SP140: variants seen among roughly 807,000 people sequenced by gnomAD.
SP140 encodes the protein SP140 nuclear body protein.
In SP140, 81 loss-of-function variants were observed where a neutral mutation model predicts 125.0. That is an observed-to-expected ratio of 0.65 (90% confidence interval 0.54 to 0.78). SP140 has a LOEUF of 0.78. SP140 is among the 30% of genes least tolerant of loss of function. SP140 has a pLI of 0.00. For missense variants in SP140, 858 were observed against 1,037.0 expected, an observed-to-expected ratio of 0.83 and a Z score of 2.37; for synonymous variants, 312 against 354.0, an observed-to-expected ratio of 0.88 and a Z score of 1.33.
intron 3 of SP140, among the ~76,000 whole-genome samples, chr2:230,216,610 T>G (rs2045205261): frequency 6.6e-6 from 1 of 152,212 alleles, no homozygotes; most frequent in African/African-American, 2.4e-5. Context: ...GAAACCAACA[T>G]AGCCCCTATG....
At chr2:230,246,003 A>G (rs1041451830) in intron 7 of SP140, 63 bp downstream of exon 7, 3 of 939,326 alleles carry the variant, frequency 3.2e-6, no homozygotes, top group Non-Finnish European at 1.7e-6. Context: ...CTACTCTTTC[A>G]TCTCCCTTCC....
chr2:230,207,665 A>G (rs937353831), intron 1 of SP140, among the ~76,000 whole-genome samples: 8 of 152,166 alleles, frequency 5.3e-5, no homozygotes, highest in Non-Finnish European at 1.0e-4. Flanking sequence ...AGCTAATAAT[A>G]TGTCAAATCC....
chr2:230,189,721 G>C, the SP140 span, among the ~76,000 whole-genome samples: 1 of 152,136 alleles, frequency 6.6e-6, no homozygotes, highest in Non-Finnish European at 1.5e-5. Flanking sequence ...AGGCCCTGGT[G>C]TGTGTTGTTC....
chr2:230,312,284 C>G (rs2059392498), intron 26 of SP140, among the ~76,000 whole-genome samples: 1 of 152,178 alleles, frequency 6.6e-6, no homozygotes, highest in Admixed American at 6.5e-5. Context: ...GATAAGTGTT[C>G]TACTTAATAA....
the SP140 span, among the ~76,000 whole-genome samples, chr2:230,198,058 C>T: frequency 1.3e-5 from 2 of 152,334 alleles, no homozygotes; most frequent in South Asian, 4.1e-4. Flanking sequence ...GGTGGTTTAA[C>T]ATTGAAAAGT....
At chr2:230,229,073 T>C (rs1233561445) in intron 1 of SP140, among the ~76,000 whole-genome samples, 1 of 152,144 alleles carries the variant, frequency 6.6e-6, no homozygotes, top group Admixed American at 6.5e-5. Flanking sequence ...TTTTTAGTGG[T>C]TCCCTGAAGT....
At position 230,250,994 on chromosome 2, in the gene SP140, C is replaced by A; in HGVS notation, c.990C>A (p.Asp330Glu). Residue 330 changes from aspartate to glutamate, a missense_variant, in exon 10 of 27, where the codon GAC (aspartate) becomes GAA (glutamate). Around this residue, in one of 4 missense-constraint regions of SP140, gnomAD observed 791 missense variants for 869.5 expected, o/e 0.91. Coordinates refer to ENST00000392045, the MANE Select transcript of SP140 (RefSeq NM_007237.5). ...TTCTTTCTGCAGAGGGCAGTGATGA[C>A]TGTTCAGAAATGTGTGATGGAGAAG... ...LPGEGEEGSD[D>E]CSEMCDGEEP... 1.9e-6 allele frequency: 3 copies of A among 1,613,858 alleles called. No individual in the cohort carries two copies. In the South Asian group the frequency reaches 3.3e-5, roughly 18 times the overall value.
chr2:230,266,546 A>C (rs905714244), intron 12 of SP140, among the ~76,000 whole-genome samples: 1 of 152,214 alleles, frequency 6.6e-6, no homozygotes, highest in African/African-American at 2.4e-5. Context: ...CTGCCAGCAG[A>C]AGTGTGGGTG....
intron 1 of SP140, among the ~76,000 whole-genome samples, chr2:230,226,762 C>CAAAAAATAAAAAA (rs2046450964): frequency 1.1e-5 from 1 of 94,264 alleles, no homozygotes; most frequent in Non-Finnish European, 2.1e-5. Flanking sequence ...AATTCCATCT[C>CAAAAAATAAAAAA]AAAAAAAAAA....
At chr2:230,221,281 GAAA>G (rs113981247), upstream of SP140, among the ~76,000 whole-genome samples, 2 of 82,606 alleles carry the variant, frequency 2.4e-5, no homozygotes, top group African/African-American at 4.5e-5. Context: ...ACTCCATCTC[GAAA>G]AAAAAAAAAA....
intron 22 of SP140, among the ~76,000 whole-genome samples, chr2:230,305,508 C>T: frequency 6.6e-6 from 1 of 152,248 alleles, no homozygotes; most frequent in East Asian, 1.9e-4. Flanking sequence ...GGCAGGAGAT[C>T]CCCAGAGCCA....
chr2:230,264,665 T>C (rs1289053881), intron 12 of SP140, among the ~76,000 whole-genome samples: 1 of 152,210 alleles, frequency 6.6e-6, no homozygotes, highest in Non-Finnish European at 1.5e-5. Flanking sequence ...CCATAGGATG[T>C]TCCCTTGATG....
chr2:230,292,425 T>C lies in SP140; in HGVS notation c.1826-221T>C, dbSNP rs572400505. Among the ~76,000 whole-genome samples the C allele has an allele frequency of 2.0e-5, 3 of 152,320 alleles. No homozygotes were observed. In the East Asian group the frequency reaches 5.8e-4, roughly 29 times the overall value. On this transcript the variant is annotated intron_variant, in intron 19 of 26. Coordinates refer to ENST00000392045, the MANE Select transcript of SP140 (RefSeq NM_007237.5). ...TTGATGATAACCATCACTCTCCTCA[T>C]GGATGAAGGTCAAAGAAATGTGCAC...
rs1347528898 is a variant in SP140 at position 230,284,334 on chromosome 2, T to G, written c.1499-12T>G. 8 of 1,601,426 alleles carry G rather than the reference T, an allele frequency of 5.0e-6. No individual in the cohort carries two copies. In the East Asian group the frequency reaches 1.6e-4, roughly 31 times the overall value. ...CCTCTGCATAATTAACTTTATTCTC[T>G]TTGGTTTGAAGGAAAAAAGAGGGGG... is the stretch of plus-strand genomic sequence containing the variant. On this transcript the variant is annotated splice_polypyrimidine_tract_variant and intron_variant, in intron 15 of 26. Transcript: ENST00000392045.
At chr2:230,252,102 G>A (rs2050462186) in intron 10 of SP140, among the ~76,000 whole-genome samples, 1 of 151,906 alleles carries the variant, frequency 6.6e-6, no homozygotes. Context: ...GCAAGCTTAA[G>A]GAGAGGAGTG....
intron 18 of SP140, among the ~76,000 whole-genome samples, chr2:230,289,599 C>G (rs2056882538): frequency 6.6e-6 from 1 of 152,184 alleles, no homozygotes; most frequent in East Asian, 1.9e-4. Flanking sequence ...CTTAGCCTCC[C>G]AAGTAGCTGG....
chr2:230,202,526 G>A, upstream of SP140: 3 of 1,581,222 alleles, frequency 1.9e-6, no homozygotes, highest in Non-Finnish European at 2.6e-6. Flanking sequence ...TGCTTCAGGA[G>A]AGACCCTCCC....
chr2:230,282,521 G>A (rs989996713), intron 15 of SP140, among the ~76,000 whole-genome samples: 1 of 152,122 alleles, frequency 6.6e-6, no homozygotes, highest in Non-Finnish European at 1.5e-5. Flanking sequence ...TCTTGACCCA[G>A]TGCAGCGGCT....
In SP140 at chr2:230,292,807, G is replaced by A; in HGVS notation, c.1968+19G>A. ...GATGGAGGTATTCCAATGACAAGGG[G>A]CCAGGCCTGTGTTCCTTCTTGTTCC... is the stretch of plus-strand genomic sequence containing the variant. On this transcript the variant is annotated intron_variant, in intron 20 of 26. Transcript: ENST00000392045. 6.2e-7 allele frequency: 1 copy of A among 1,613,570 alleles called. No homozygotes were observed. Among genetic ancestry groups the A allele is most frequent in the Non-Finnish European group, 8.5e-7 (1 of 1,179,944 alleles).
Sources: gnomAD v4.1 joint callset for allele counts (sites outside exome capture counted in the v4.1 genomes callset) on GRCh38, gnomAD v4.1.1 for gene constraint, gnomAD v4.1.1 regional missense constraint, MANE v1.5 for transcripts, NCBI Gene and HGNC (gene_info 2026-07-23, HGNC 2026-07-21) for gene names.